CLNK: variants seen among roughly 807,000 people sequenced by gnomAD.
CLNK encodes cytokine-dependent hematopoietic cell linker.
In CLNK, 74 loss-of-function variants were observed where a neutral mutation model predicts 68.6. That is an observed-to-expected ratio of 1.08 (90% CI 0.89 to 1.31). The LOEUF (loss-of-function observed/expected upper bound fraction) is 1.31. CLNK is among the 50% of genes most tolerant of loss of function. The probability of loss-of-function intolerance (pLI) is 0.00; values close to 1 mark genes in which losing one functional copy is unlikely to be tolerated. For synonymous variants in CLNK, 198 were observed against 172.2 expected (o/e 1.15, Z -1.17); for missense variants, 553 against 515.3 (o/e 1.07, Z -0.71).
intron 2 of CLNK, among the ~76,000 whole-genome samples, chr4:10,637,680 C>T (rs1390968268): frequency 2.0e-5 from 3 of 148,002 alleles, no homozygotes; most frequent in Non-Finnish European, 4.4e-5. Context: ...CTGCAAGCTC[C>T]GCCTCCTTGG....
chr4:10,491,467 A>G (rs1716568664), intron 18 of CLNK, among the ~76,000 whole-genome samples: 1 of 152,260 alleles, frequency 6.6e-6, no homozygotes, highest in African/African-American at 2.4e-5. Context: ...AACAGGGACA[A>G]CCACGGGGCT....
chr4:10,677,841 A>AATAATAATAATAATAATG (rs1277891587), intron 1 of CLNK, among the ~76,000 whole-genome samples: 1 of 150,956 alleles, frequency 6.6e-6, no homozygotes, highest in Admixed American at 6.6e-5. Context: ...AAATAGCAAT[A>AATAATAATAATAATAATG]ATAATAATAA....
the CLNK span, among the ~76,000 whole-genome samples, chr4:10,698,916 G>C: frequency 6.6e-6 from 1 of 152,130 alleles, no homozygotes; most frequent in Non-Finnish European, 1.5e-5. Context: ...CTGAGTAGGA[G>C]GGAACTCTTT....
At chr4:10,671,914 A>G (rs1039133528) in intron 1 of CLNK, among the ~76,000 whole-genome samples, 2 of 152,238 alleles carry the variant, frequency 1.3e-5, no homozygotes, top group African/African-American at 4.8e-5. Flanking sequence ...ACCTGAACTA[A>G]AGAAGCTTAG....
the CLNK span, among the ~76,000 whole-genome samples, chr4:10,710,591 G>A: frequency 6.6e-6 from 1 of 152,102 alleles, no homozygotes; most frequent in Non-Finnish European, 1.5e-5. Flanking sequence ...CACAGTTCTT[G>A]CCCCCATTTG....
intron 1 of CLNK, among the ~76,000 whole-genome samples, chr4:10,681,472 C>T (rs1725089422): frequency 6.6e-6 from 1 of 152,184 alleles, no homozygotes; most frequent in African/African-American, 2.4e-5. Flanking sequence ...ATCATCCAAT[C>T]ACATGGATAT....
At position 10,605,659 on chromosome 4, in the gene CLNK, C is replaced by T. The variant is rs1317862627; in HGVS notation, c.12-7610G>A. On this transcript the variant is annotated intron_variant, in intron 2 of 18. Coordinates refer to ENST00000226951, the MANE Select transcript of CLNK (RefSeq NM_052964.4). Reference sequence around the variant, plus strand: ...CCTGCCCAACATGGTAAAACCCCGTCTCTACTAAAAATACAAAAATTAGCT... The same window carrying T: ...CCTGCCCAACATGGTAAAACCCCGTTTCTACTAAAAATACAAAAATTAGCT... Among the ~76,000 whole-genome samples, 6 of 151,784 alleles carry T rather than the reference C, an allele frequency of 4.0e-5. No individual in the cohort carries two copies. The East Asian group carries it at 5.8e-4, about 15-fold the overall frequency.
At chr4:10,590,672 A>G (rs1322467845) in intron 3 of CLNK, among the ~76,000 whole-genome samples, 2 of 152,212 alleles carry the variant, frequency 1.3e-5, no homozygotes. Flanking sequence ...ACTCTAGAAT[A>G]AGATTCTCTG....
intron 2 of CLNK, among the ~76,000 whole-genome samples, chr4:10,633,197 C>A (rs904774646): frequency 1.3e-5 from 2 of 152,172 alleles, no homozygotes; most frequent in South Asian, 2.1e-4. Context: ...CTCGGCCTCC[C>A]AAAGTGCTGG....
chr4:10,730,122 C>T, the CLNK span, among the ~76,000 whole-genome samples: 15 of 152,150 alleles, frequency 9.9e-5, no homozygotes, highest in East Asian at 3.8e-4. Context: ...GCCCTAGTCA[C>T]GCCACTGCAT....
At chr4:10,655,330 A>AGAG (rs1355299217) in intron 2 of CLNK, among the ~76,000 whole-genome samples, 1,077 of 77,812 alleles carry the variant, frequency 0.014, 31 homozygotes, top group African/African-American at 0.04. Context: ...AAAACCCCCA[A>AGAG]AGACAGAGAG....
intron 7 of CLNK, among the ~76,000 whole-genome samples, chr4:10,563,248 C>G (rs1451434093): frequency 6.6e-6 from 1 of 151,974 alleles, no homozygotes; most frequent in Non-Finnish European, 1.5e-5. Context: ...GTGGTGCAAA[C>G]TAAAAAAGAA....
intron 2 of CLNK, among the ~76,000 whole-genome samples, chr4:10,649,569 G>A (rs991600856): frequency 5.3e-5 from 8 of 152,144 alleles, no homozygotes; most frequent in African/African-American, 1.9e-4. Flanking sequence ...CCACCTGTGT[G>A]TAAAACTGGC....
the CLNK span, among the ~76,000 whole-genome samples, chr4:10,705,455 G>A: frequency 6.6e-6 from 1 of 152,186 alleles, no homozygotes; most frequent in Non-Finnish European, 1.5e-5. Context: ...AACCCAGGTG[G>A]AAGCAGTGCT....
chr4:10,650,650 T>C (rs1401812153), intron 2 of CLNK, among the ~76,000 whole-genome samples: 2 of 152,144 alleles, frequency 1.3e-5, no homozygotes, highest in African/African-American at 4.8e-5. Context: ...AATGAAGTTA[T>C]CATTGTAAGA....
At position 10,566,161 on chromosome 4, in the gene CLNK, G is replaced by C. The variant is rs764937546; in HGVS notation, c.151-11C>G. The C allele has an allele frequency of 6.2e-6, 10 of 1,612,978 alleles. No homozygotes were observed. The highest frequency in any genetic ancestry group is 8.5e-6 in the Non-Finnish European group (10 of 1,179,286). On this transcript the variant is annotated splice_polypyrimidine_tract_variant and intron_variant, in intron 5 of 18. Coordinates refer to ENST00000226951, the MANE Select transcript of CLNK (RefSeq NM_052964.4). ...AGCAAAGTTTCTTTCCTAAGCAGGT[G>C]GTAACATTCCAGTGAGTCAAAGGAA...
chr4:10,700,149 G>T, the CLNK span, among the ~76,000 whole-genome samples: 6 of 152,030 alleles, frequency 3.9e-5, no homozygotes, highest in Non-Finnish European at 7.4e-5. Context: ...GGCTAGCTAT[G>T]GAATAAGGCA....
chr4:10,506,155 T>A (rs1278949035), intron 17 of CLNK, among the ~76,000 whole-genome samples: 2 of 152,170 alleles, frequency 1.3e-5, no homozygotes, highest in Non-Finnish European at 2.9e-5. Context: ...CTCTTTGGGA[T>A]GTTGGTTGTG....
At chr4:10,673,471 TG>T (rs1219802018) in intron 1 of CLNK, among the ~76,000 whole-genome samples, 4 of 152,082 alleles carry the variant, frequency 2.6e-5, no homozygotes, top group African/African-American at 4.8e-5. Context: ...ATATACACCA[TG>T]GAATACTATG....
Sources: gnomAD v4.1 joint callset for allele counts (sites outside exome capture counted in the v4.1 genomes callset) on GRCh38, gnomAD v4.1.1 for gene constraint, MANE v1.5 for transcripts, NCBI Gene and HGNC (gene_info 2026-07-23, HGNC 2026-07-21) for gene names.